UBAP2: variants seen among roughly 807,000 people sequenced by gnomAD.
UBAP2 encodes ubiquitin associated protein 2.
A neutral mutation model predicts 139.6 loss-of-function variants in UBAP2; 75 were observed. The observed-to-expected ratio is 0.54, with a 90% confidence interval of 0.45 to 0.65. The LOEUF is 0.65. Among genes scored for constraint, UBAP2 ranks in the 30% least tolerant of loss-of-function variants. The pLI is 0.00. For synonymous variants in UBAP2, 526 were observed against 526.2 expected (o/e 1.00, Z 0.01); for missense variants, 1,368 against 1,369.6 (o/e 1.00, Z 0.02).
rs1369359922 is a variant in UBAP2 at position 33,922,766 on chromosome 9, G to A, written c.3185C>T (p.Pro1062Leu). Residue 1062 changes from proline (P) to leucine (L), a missense_variant, in exon 28 of 29, where the codon CCA becomes CTA. Physicochemically the swap from Pro to Leu is moderately conservative, Grantham distance 98. Transcript: ENST00000379238. ...ASGAAPGYAP[P>L]PFLHILPAHQ... ...GGCTGGCAAGATGTGTAGGAATGGT[G>A]GGGGTGCATAGCCAGGGGCCGCTCC... is the stretch of plus-strand genomic sequence containing the variant. 14 of 1,560,326 alleles carry A rather than the reference G, an allele frequency of 9.0e-6. No individual in the cohort carries two copies. The highest frequency in any genetic ancestry group is 1.2e-5 in the Non-Finnish European group (14 of 1,154,206).
At chr9:34,005,333 G>A (rs1444687530) in intron 2 of UBAP2, among the ~76,000 whole-genome samples, 2 of 150,312 alleles carry the variant, frequency 1.3e-5, no homozygotes, top group East Asian at 3.9e-4. Flanking sequence ...TACCTGGAAG[G>A]CTGAGGTGTG....
At chr9:34,008,084 G>A (rs962152093) in intron 2 of UBAP2, among the ~76,000 whole-genome samples, 10 of 151,794 alleles carry the variant, frequency 6.6e-5, no homozygotes, top group Non-Finnish European at 1.5e-4. Flanking sequence ...GTAGTGAGCC[G>A]AGATCGCGCC....
chr9:34,016,511 C>T (rs1587666032), intron 2 of UBAP2, among the ~76,000 whole-genome samples: 1 of 151,752 alleles, frequency 6.6e-6, no homozygotes, highest in East Asian at 1.9e-4. Context: ...AAGTACAATA[C>T]CTCTTTCCTT....
intron 6 of UBAP2, among the ~76,000 whole-genome samples, chr9:33,975,572 A>G (rs1828266543): frequency 6.6e-6 from 1 of 150,862 alleles, no homozygotes; most frequent in South Asian, 2.1e-4. Context: ...GCCGAGACGG[A>G]CGGATCACAA....
rs1210038096 is a variant in UBAP2 at position 33,953,327 on chromosome 9, A to G, written c.1014T>C (p.Thr338=). ...SQHNNQMAPG[T]GSSTAVNSCS... Reference sequence around the variant, plus strand: ...AGGAGTTGACGGCAGTGGAGCTGCCAGTCCCTGGTGCCATCTGATTGTTGT... The same window carrying G: ...AGGAGTTGACGGCAGTGGAGCTGCCGGTCCCTGGTGCCATCTGATTGTTGT... Residue 338 remains threonine, a synonymous_variant, in exon 12 of 29, where the codon ACT becomes ACC. Coordinates refer to ENST00000379238, the MANE Select transcript of UBAP2 (RefSeq NM_001370062.2). The G allele has an allele frequency of 5.6e-6, 9 of 1,614,130 alleles. No individual in the cohort carries two copies. Among genetic ancestry groups the G allele is most frequent in the African/African-American group, 1.3e-5 (1 of 74,966 alleles).
intron 16 of UBAP2, among the ~76,000 whole-genome samples, chr9:33,937,987 G>A (rs1332888258): frequency 1.3e-5 from 2 of 151,892 alleles, no homozygotes; most frequent in African/African-American, 2.4e-5. Context: ...TGTTTTGGGG[G>A]GTTTCTTTTG....
At position 33,948,500 on chromosome 9, in the gene UBAP2, C is replaced by G; in HGVS notation, c.1144G>C (p.Ala382Pro). The change falls in exon 13 of 29, where the codon GCT (alanine) becomes CCT (proline). Residue 382 changes from alanine (A) to proline (P), a missense_variant. Ala to Pro is a conservative substitution (Grantham distance 27, BLOSUM62 -1). Coordinates refer to ENST00000379238, the MANE Select transcript of UBAP2 (RefSeq NM_001370062.2). Reference protein sequence around the residue: ...TSSQILDQLKAPSLGQFTTTP... With the variant: ...TSSQILDQLKPPSLGQFTTTP... The stretch of plus-strand genomic sequence containing the variant: ...GTGGTAAACTGGCCCAAACTCGGAG[C>G]TTTCAACTGGTCCAAAATCTGGGAG... 6.2e-7 allele frequency: 1 copy of G among 1,614,152 alleles called. No individual in the cohort carries two copies. The highest frequency in any genetic ancestry group is 8.5e-7 in the Non-Finnish European group (1 of 1,180,028).
intron 2 of UBAP2, among the ~76,000 whole-genome samples, chr9:34,010,593 G>C (rs901157707): frequency 2.0e-5 from 3 of 151,972 alleles, no homozygotes; most frequent in African/African-American, 7.2e-5. Flanking sequence ...AAAACAAATA[G>C]AGCAAAAAGG....
intron 4 of UBAP2, among the ~76,000 whole-genome samples, chr9:33,990,375 T>G (rs1329940036): frequency 6.6e-6 from 1 of 152,182 alleles, no homozygotes; most frequent in African/African-American, 2.4e-5. Flanking sequence ...TCCATAACAG[T>G]GGAAGCCAAC....
intron 1 of UBAP2, among the ~76,000 whole-genome samples, chr9:34,029,203 C>A (rs1214482451): frequency 6.6e-6 from 1 of 152,078 alleles, no homozygotes; most frequent in East Asian, 1.9e-4. Flanking sequence ...GGGTATGCAC[C>A]CAAGAGAACT....
chr9:34,031,407 A>G (rs1230332011), intron 1 of UBAP2, among the ~76,000 whole-genome samples: 1 of 152,070 alleles, frequency 6.6e-6, no homozygotes, highest in Non-Finnish European at 1.5e-5. Context: ...TCCCAGGTTC[A>G]AGCTATTCTC....
At chr9:34,006,506 C>G (rs1431857374) in intron 2 of UBAP2, among the ~76,000 whole-genome samples, 1 of 151,972 alleles carries the variant, frequency 6.6e-6, no homozygotes, top group African/African-American at 2.4e-5. Context: ...ACAACAAAAC[C>G]CTTTACAAAA....
At chr9:34,045,684 T>G (rs1163892922) in intron 1 of UBAP2, among the ~76,000 whole-genome samples, 2 of 152,114 alleles carry the variant, frequency 1.3e-5, no homozygotes, top group Non-Finnish European at 2.9e-5. Context: ...AAAAGAAAAT[T>G]TTTAAGGAGC....
chr9:34,019,516 G>A (rs1462357287), intron 1 of UBAP2, among the ~76,000 whole-genome samples: 1 of 152,108 alleles, frequency 6.6e-6, no homozygotes, highest in Non-Finnish European at 1.5e-5. Context: ...CTGGGGGTAG[G>A]GGAAGAATGG....
chr9:34,042,187 A>T (rs1486591945), intron 1 of UBAP2, among the ~76,000 whole-genome samples: 1 of 151,966 alleles, frequency 6.6e-6, no homozygotes, highest in Admixed American at 6.6e-5. Flanking sequence ...TTATTGTAAA[A>T]AAGTAACAGT....
chr9:34,039,697 CA>C (rs1186938782), intron 1 of UBAP2, among the ~76,000 whole-genome samples: 2 of 151,972 alleles, frequency 1.3e-5, no homozygotes, highest in African/African-American at 4.8e-5. Context: ...CCCAGGGACA[CA>C]AACACTGCAG....
At chr9:33,988,870 C>G in intron 5 of UBAP2, 103 bp downstream of exon 5, 1 of 1,256,596 alleles carries the variant, frequency 8.0e-7, no homozygotes, top group Non-Finnish European at 1.1e-6. Flanking sequence ...GAAAGCTGAG[C>G]GCAGTGACTC....
intron 2 of UBAP2, among the ~76,000 whole-genome samples, chr9:34,016,602 C>G (rs1308406919): frequency 6.6e-6 from 1 of 151,090 alleles, no homozygotes; most frequent in East Asian, 1.9e-4. Context: ...GTCACCCAGG[C>G]TGGAGGGCAG....
chr9:33,995,704 C>T (rs1333663824), intron 4 of UBAP2: 1 of 146,246 alleles, frequency 6.8e-6, no homozygotes, highest in South Asian at 2.1e-4. Context: ...CTGACAAGTG[C>T]CTGGTGTAGC....
Sources: allele counts gnomAD v4.1 joint callset (sites outside exome capture counted in the v4.1 genomes callset), GRCh38; gene constraint gnomAD v4.1.1; transcripts MANE v1.5; gene names NCBI Gene and HGNC (gene_info 2026-07-23, HGNC 2026-07-21).